CLASP2: variants seen among roughly 807,000 people sequenced by gnomAD.
CLASP2 encodes cytoplasmic linker associated protein 2.
CLASP2 carries 47 observed loss-of-function variants against 194.4 expected under a neutral mutation model. That is an observed-to-expected ratio of 0.24 (90% CI 0.19 to 0.31). The LOEUF is 0.31. Ranked by LOEUF, CLASP2 falls within the 10% of genes least tolerant of loss-of-function variation. The pLI, the probability that CLASP2 is intolerant of heterozygous loss-of-function variation, is 1.00. For synonymous variants in CLASP2, 619 were observed against 633.5 expected, an observed-to-expected ratio of 0.98 and a Z score of 0.34; for missense variants, 1,445 against 1,823.6, an observed-to-expected ratio of 0.79 and a Z score of 3.78.
intron 6 of CLASP2, among the ~76,000 whole-genome samples, chr3:33,678,826 C>G (rs1236295222): frequency 6.6e-6 from 1 of 152,188 alleles, no homozygotes; most frequent in Non-Finnish European, 1.5e-5. Context: ...TCGGTATTTT[C>G]AAGATGTCAG....
At chr3:33,592,817 G>C in intron 20 of CLASP2, 1 of 330,532 alleles carries the variant, frequency 3.0e-6, no homozygotes, top group South Asian at 2.8e-5. Context: ...TTGCAATTCT[G>C]AAATTTCAGT....
At position 33,510,538 on chromosome 3, in the gene CLASP2, C is replaced by T; in HGVS notation, c.4317+20G>A. On this transcript the variant is annotated intron_variant, in intron 37 of 38. Coordinates refer to ENST00000682230, the MANE Select transcript of CLASP2 (RefSeq NM_001365631.1). The stretch of plus-strand genomic sequence containing the variant: ...CCCAAATGTATCATGGCTTATTCCT[C>T]TCCAAGCTTTGTTGCTTACCTGTAT... 1 of 1,610,952 alleles carries T rather than the reference C, an allele frequency of 6.2e-7. No homozygotes were observed. The highest frequency in any genetic ancestry group is 2.2e-5 in the East Asian group (1 of 44,866).
intron 7 of CLASP2, among the ~76,000 whole-genome samples, chr3:33,656,116 A>G (rs1364592438): frequency 3.9e-5 from 6 of 152,190 alleles, no homozygotes; most frequent in Non-Finnish European, 1.5e-5. Flanking sequence ...GGTGAGGACA[A>G]CTAAATTGAA....
At chr3:33,537,073 A>G (rs2057478913) in intron 33 of CLASP2, among the ~76,000 whole-genome samples, 1 of 152,206 alleles carries the variant, frequency 6.6e-6, no homozygotes, top group South Asian at 2.1e-4. Context: ...CTTAATGAAG[A>G]CATTGAAGCT....
At chr3:33,576,765 C>G (rs1376255979) in intron 23 of CLASP2, among the ~76,000 whole-genome samples, 1 of 152,202 alleles carries the variant, frequency 6.6e-6, no homozygotes, top group African/African-American at 2.4e-5. Context: ...AACTAAGAGA[C>G]ATCCATTTGA....
At chr3:33,504,080 T>G (rs1193698039) in intron 37 of CLASP2, 2 of 152,226 alleles carry the variant, frequency 1.3e-5, no homozygotes, top group African/African-American at 4.8e-5. Context: ...TAGTAGACCA[T>G]TATCAGATAT....
chr3:33,521,787 T>C lies in CLASP2; in HGVS notation c.3788-4613A>G, dbSNP rs1203915350. On this transcript the variant is annotated intron_variant, in intron 34 of 38. Transcript: ENST00000682230. ...TAACTATTTTGGAACTCTAGTCTAC[T>C]GAAGGCTTAGAACTTCTAGGGAAGG... 6.6e-5 allele frequency among the ~76,000 whole-genome samples: 10 copies of C among 152,348 alleles called. No individual in the cohort carries two copies. The South Asian group carries it at 1.0e-3, about 16-fold the overall frequency.
chr3:33,535,299 T>G lies in CLASP2; in HGVS notation c.3721A>C (p.Ser1241Arg), dbSNP rs1444956816. 3.1e-6 allele frequency: 5 copies of G among 1,613,868 alleles called. No homozygotes were observed. The African/African-American group carries it at 4.0e-5, about 13-fold the overall frequency. Residue 1241 changes from serine to arginine, a missense_variant, in exon 34 of 39, where the codon AGT (serine) becomes CGT (arginine). Around this residue, in one of 4 missense-constraint regions of CLASP2, gnomAD observed 732 missense variants for 987.9 expected, o/e 0.74. Transcript: ENST00000682230. ...YNPYNYSDSI[S>R]PFNKSALKEA... The stretch of plus-strand genomic sequence containing the variant: ...TTGAGGGCAGACTTGTTGAAGGGAC[T>G]GATGCTATCTGAATAGTTATATGGA...
chr3:33,716,662 T>C (rs2093315516), intron 1 of CLASP2, among the ~76,000 whole-genome samples: 1 of 152,258 alleles, frequency 6.6e-6, no homozygotes, highest in Non-Finnish European at 1.5e-5. Flanking sequence ...ATGGTAATGA[T>C]ATATTATTAA....
chr3:33,543,579 T>C (rs1441050973), intron 31 of CLASP2, 40 bp from the exon 32 acceptor site: 5 of 1,260,742 alleles, frequency 4.0e-6, no homozygotes, highest in East Asian at 2.3e-5. Flanking sequence ...ATATTACAGG[T>C]AAGTTCACTT....
At chr3:33,593,014 T>C (rs1193250198) in intron 20 of CLASP2, among the ~76,000 whole-genome samples, 1 of 152,224 alleles carries the variant, frequency 6.6e-6, no homozygotes, top group Non-Finnish European at 1.5e-5. Flanking sequence ...TATGGACATG[T>C]TTACTGCTCT....
chr3:33,681,845 G>C (rs2089906178), intron 6 of CLASP2, among the ~76,000 whole-genome samples: 1 of 152,198 alleles, frequency 6.6e-6, no homozygotes, highest in Non-Finnish European at 1.5e-5. Flanking sequence ...CATGGGTGTG[G>C]ATCCTTCATG....
intron 24 of CLASP2, chr3:33,574,349 T>G (rs187290487): frequency 3.3e-6 from 2 of 599,440 alleles, no homozygotes; most frequent in Middle Eastern, 3.8e-4. Context: ...TACAGAAAAA[T>G]AGATGTATGT....
At chr3:33,562,524 T>C (rs2061960906) in intron 27 of CLASP2, among the ~76,000 whole-genome samples, 1 of 152,214 alleles carries the variant, frequency 6.6e-6, no homozygotes. Flanking sequence ...TTCAGGAATC[T>C]TGTGAAGTGG....
intron 29 of CLASP2, among the ~76,000 whole-genome samples, chr3:33,558,070 C>G (rs1477063047): frequency 4.6e-5 from 7 of 152,234 alleles, no homozygotes; most frequent in Non-Finnish European, 7.3e-5. Context: ...ACTTCTTCCT[C>G]TACTCTGTGT....
intron 6 of CLASP2, among the ~76,000 whole-genome samples, chr3:33,672,528 A>G (rs2087528208): frequency 6.6e-6 from 1 of 152,230 alleles, no homozygotes. Flanking sequence ...AACTCTAAAA[A>G]GCAGAGCACC....
chr3:33,521,079 G>A lies in CLASP2; in HGVS notation c.3788-3905C>T, dbSNP rs114940338. On this transcript the variant is annotated intron_variant, in intron 34 of 38. Coordinates refer to ENST00000682230, the MANE Select transcript of CLASP2 (RefSeq NM_001365631.1). The stretch of plus-strand genomic sequence containing the variant: ...ACATGTTAGAAGAACAACAAAAGCC[G>A]GCTTGAATGGAATCCTGTTGGTCAA... Among the ~76,000 whole-genome samples the A allele has an allele frequency of 2.3e-3, 346 of 152,156 alleles. 1 individual carries two copies. The highest frequency in any genetic ancestry group is 7.9e-3 in the African/African-American group (329 of 41,504).
chr3:33,517,737 T>C (rs1017725642), intron 34 of CLASP2, among the ~76,000 whole-genome samples: 3 of 152,140 alleles, frequency 2.0e-5, no homozygotes, highest in African/African-American at 4.8e-5. Context: ...TCATGGCTCA[T>C]TGCAGTCTCC....
intron 38 of CLASP2, among the ~76,000 whole-genome samples, chr3:33,499,336 T>C (rs6782629): frequency 0.49 from 72,870 of 149,984 alleles, 19,204 homozygotes; most frequent in African/African-American, 0.69. Flanking sequence ...TATGAATTAC[T>C]CAGTCTAGGG....
Sources: gnomAD v4.1 joint callset for allele counts (sites outside exome capture counted in the v4.1 genomes callset) on GRCh38, gnomAD v4.1.1 for gene constraint, gnomAD v4.1.1 regional missense constraint, MANE v1.5 for transcripts, NCBI Gene and HGNC (gene_info 2026-07-23, HGNC 2026-07-21) for gene names.